PCDH11X: variants seen among roughly 807,000 people sequenced by gnomAD.
The protein encoded by PCDH11X is protocadherin 11 X-linked, also known as protocadherin-11 X-linked.
Under a neutral mutation model 53.3 loss-of-function variants are expected in PCDH11X, and 18 were observed. The ratio of observed to expected loss-of-function variants is 0.34; its 90% CI spans 0.23 to 0.50. The LOEUF is 0.50. Among genes scored for constraint, PCDH11X ranks in the 20% least tolerant of loss-of-function variants. The pLI, the probability that PCDH11X is intolerant of heterozygous loss-of-function variation, is 0.98. For missense variants in PCDH11X, 570 were observed against 1,032.4 expected, an observed-to-expected ratio of 0.55 and a Z score of 6.14; for synonymous variants, 279 against 393.3, an observed-to-expected ratio of 0.71 and a Z score of 3.44.
intron 6 of PCDH11X, among the ~76,000 whole-genome samples, chrX:92,034,553 T>C (rs2148019580): frequency 9.4e-6 from 1 of 106,721 alleles, no homozygotes; most frequent in East Asian, 3.1e-4. Flanking sequence ...GATATCAGTA[T>C]AGCTACTCCT....
At chrX:92,331,386 C>CCTCCTCCTCCTT (rs1326512983) in intron 8 of PCDH11X, among the ~76,000 whole-genome samples, 1 of 100,536 alleles carries the variant, frequency 9.9e-6, no homozygotes, top group Non-Finnish European at 2.0e-5. Context: ...TCCTCCTCCT[C>CCTCCTCCTCCTT]CTCCTCTTCC....
At chrX:92,071,865 G>C (rs1318267242) in intron 6 of PCDH11X, among the ~76,000 whole-genome samples, 8 of 112,128 alleles carry the variant, frequency 7.1e-5, no homozygotes. Context: ...ACTTTGCTAG[G>C]TCATTCCTGA....
At chrX:91,855,565 T>C (rs1312537098) in intron 5 of PCDH11X, among the ~76,000 whole-genome samples, 1 of 109,301 alleles carries the variant, frequency 9.1e-6, no homozygotes, top group Non-Finnish European at 1.9e-5. Context: ...TGGGATTGCA[T>C]TGAACCTGTA....
At chrX:92,260,135 T>G (rs1452527230) in intron 7 of PCDH11X, among the ~76,000 whole-genome samples, 2 of 110,459 alleles carry the variant, frequency 1.8e-5, no homozygotes, top group African/African-American at 6.6e-5. Flanking sequence ...CAGCCCACTG[T>G]CTCTGGGCCT....
Position 92,539,812 on chromosome X carries a change from T to A in PCDH11X, c.3367+71490T>A, listed in dbSNP as rs144397634. 3.5e-3 allele frequency among the ~76,000 whole-genome samples: 390 copies of A among 111,997 alleles called. 1 individual carries two copies. Among genetic ancestry groups the A allele is most frequent in the East Asian group, 4.5e-3 (16 of 3,543 alleles). On this transcript the variant is annotated intron_variant, in intron 10 of 10. Coordinates refer to ENST00000682573, the MANE Select transcript of PCDH11X (RefSeq NM_032968.5). ...TAATGCTGTGGTTTTTGTGGACTCA[T>A]AGAGGTGCTGCCTTGGTAGTCTTAG...
chrX:92,351,375 C>T (rs1183465904), intron 8 of PCDH11X, among the ~76,000 whole-genome samples: 2 of 111,419 alleles, frequency 1.8e-5, no homozygotes, highest in Non-Finnish European at 3.8e-5. Context: ...TGTAAACTAA[C>T]AATATTCAAT....
intron 1 of PCDH11X, among the ~76,000 whole-genome samples, chrX:91,803,689 T>A (rs1305378845): frequency 9.0e-6 from 1 of 111,584 alleles, no homozygotes. Flanking sequence ...AAGACTGCTG[T>A]ATTAAATGCA....
At chrX:92,006,294 T>G in intron 6 of PCDH11X, among the ~76,000 whole-genome samples, 1 of 109,573 alleles carries the variant, frequency 9.1e-6, no homozygotes, top group Non-Finnish European at 1.9e-5. Flanking sequence ...TTCATTTTTT[T>G]TATTCTTTTT....
chrX:92,205,597 G>GT lies in PCDH11X; in HGVS notation c.3114+4162dup, dbSNP rs5902997. Among the ~76,000 whole-genome samples, 579 of 68,398 alleles carry GT rather than the reference G, an allele frequency of 8.5e-3. 6 individuals are homozygous for GT. Among genetic ancestry groups the GT allele is most frequent in the African/African-American group, 0.024 (462 of 19,441 alleles). The allele number at this position is 68,398 out of a possible 115,157, so 59.4% of individuals were successfully genotyped here. On this transcript the variant is annotated intron_variant, in intron 7 of 10. Coordinates refer to ENST00000682573, the MANE Select transcript of PCDH11X (RefSeq NM_032968.5). ...ATGAATAAGAAGATGCTAAATCAAT[G>GT]TTTTTTTTTTTTTTTTTTTTGAGAC...
intron 6 of PCDH11X, among the ~76,000 whole-genome samples, chrX:92,167,361 C>T (rs191339794): frequency 1.8e-5 from 2 of 111,676 alleles, no homozygotes; most frequent in African/African-American, 6.5e-5. Flanking sequence ...AAAATATTTA[C>T]TCTTGTTTCA....
At chrX:92,015,896 A>G (rs138152329) in intron 6 of PCDH11X, among the ~76,000 whole-genome samples, 3,295 of 111,809 alleles carry the variant, frequency 0.029, 117 homozygotes, top group African/African-American at 0.1. Flanking sequence ...TGCGTTTCTC[A>G]GATTCATCAG....
rs1569388349 is a variant in PCDH11X at position 92,147,855 on chromosome X, T to TCTTTCTTTC, written c.3034-53520_3034-53519insCTTTCTTTC. Among the ~76,000 whole-genome samples the TCTTTCTTTC allele has an allele frequency of 7.6e-4, 17 of 22,354 alleles. 1 individual carries two copies. Among genetic ancestry groups the TCTTTCTTTC allele is most frequent in the African/African-American group, 1.3e-3 (17 of 12,803 alleles). The allele number at this position is 22,354 out of a possible 115,157, so 19.4% of individuals were successfully genotyped here. On this transcript the variant is annotated intron_variant, in intron 6 of 10. Transcript: ENST00000682573. ...TCTTTCTTTCTTTCTTTCTTTCTTT[T>TCTTTCTTTC]TTCTTTTCTCTCTTTCCTTTCTTTC... is the stretch of plus-strand genomic sequence containing the variant.
intron 1 of PCDH11X, among the ~76,000 whole-genome samples, chrX:91,807,176 CAA>C (rs1218341876): frequency 3.1e-5 from 1 of 32,304 alleles, no homozygotes; most frequent in Admixed American, 4.7e-4. Context: ...CTCATCTCTA[CAA>C]AAAAAAAAAA....
intron 8 of PCDH11X, among the ~76,000 whole-genome samples, chrX:92,298,433 G>A (rs924927227): frequency 3.6e-5 from 4 of 111,512 alleles, no homozygotes; most frequent in African/African-American, 9.8e-5. Context: ...TTCTGTTTCT[G>A]TGACAGATCA....
chrX:92,430,168 TA>T (rs1304972926), intron 9 of PCDH11X, among the ~76,000 whole-genome samples: 5 of 93,499 alleles, frequency 5.3e-5, no homozygotes, highest in Non-Finnish European at 1.2e-4. Flanking sequence ...ATATGCGTAA[TA>T]TTTCTGTTCT....
intron 10 of PCDH11X, among the ~76,000 whole-genome samples, chrX:92,474,705 A>G (rs976208132): frequency 4.1e-5 from 4 of 97,660 alleles, no homozygotes; most frequent in African/African-American, 1.2e-4. Context: ...CACTGTATAA[A>G]CAAACAAACA....
At chrX:92,190,408 T>C (rs1275573450) in intron 6 of PCDH11X, among the ~76,000 whole-genome samples, 1 of 111,895 alleles carries the variant, frequency 8.9e-6, no homozygotes, top group Non-Finnish European at 1.9e-5. Context: ...TTCTCTATTC[T>C]GTTCCATTGG....
At chrX:92,178,697 TAGA>T (rs1221670727) in intron 6 of PCDH11X, among the ~76,000 whole-genome samples, 1 of 111,840 alleles carries the variant, frequency 8.9e-6, no homozygotes, top group African/African-American at 3.2e-5. Flanking sequence ...TTACCAAGGA[TAGA>T]AGGAGAATAT....
chrX:92,205,400 G>T (rs761068461), intron 7 of PCDH11X, among the ~76,000 whole-genome samples: 1 of 110,861 alleles, frequency 9.0e-6, no homozygotes, highest in Admixed American at 9.7e-5. Context: ...TTGAATGTTT[G>T]ATTAAGAAAC....
Sources: allele counts gnomAD v4.1 joint callset (sites outside exome capture counted in the v4.1 genomes callset), GRCh38; gene constraint gnomAD v4.1.1; transcripts MANE v1.5; gene names NCBI Gene and HGNC (gene_info 2026-07-23, HGNC 2026-07-21).